Variants in TMC2 observed in about 807,000 individuals in gnomAD.
TMC2 encodes transmembrane channel-like protein 2.
Under a neutral mutation model 105.9 loss-of-function variants are expected in TMC2, and 102 were observed. The observed-to-expected ratio is 0.96, with a 90% CI of 0.82 to 1.14. TMC2 has a LOEUF of 1.14. Ranked by LOEUF, TMC2 falls within the 50% of genes most tolerant of loss-of-function variation. The pLI, the probability that TMC2 is intolerant of heterozygous loss-of-function variation, is 0.00. For synonymous variants in TMC2, 402 were observed against 422.8 expected (o/e 0.95, Z 0.60); for missense variants, 1,093 against 1,134.3 (o/e 0.96, Z 0.52).
Position 2,562,066 on chromosome 20 carries a change from G to A in TMC2, c.554+56G>A, listed in dbSNP as rs1008319962. ...CCGATGTCCACAGCTCCTTCTGATG[G>A]GAATGGGAGCCCTCCCTCCACATTT... On this transcript the variant is annotated intron_variant, in intron 4 of 19. Coordinates refer to ENST00000358864, the MANE Select transcript of TMC2 (RefSeq NM_080751.3). The A allele has an allele frequency of 2.5e-5, 39 of 1,561,448 alleles. No homozygotes were observed. The East Asian group carries it at 8.8e-4, about 35-fold the overall frequency.
rs1304998646 is a variant in TMC2, at chr20:2,592,854, C to T, written c.933+446C>T. ...TTTCCCAGCTCCTTTATTGGAATCA[C>T]CATTCATCCAATCATCCATGTCTGA... On this transcript the variant is annotated intron_variant, in intron 8 of 19. Transcript: ENST00000358864. This position sits in a 1 kb window ranked among gnomAD's most constrained non-coding sequence, Gnocchi z 4.9. Among the ~76,000 whole-genome samples the T allele has an allele frequency of 6.6e-6, 1 of 152,160 alleles. No homozygotes were observed. Among genetic ancestry groups the T allele is most frequent in the Non-Finnish European group, 1.5e-5 (1 of 68,026 alleles).
At chr20:2,611,389 C>G (rs2086437238) in intron 12 of TMC2, among the ~76,000 whole-genome samples, 2 of 152,208 alleles carry the variant, frequency 1.3e-5, no homozygotes, top group South Asian at 4.1e-4. Context: ...CTCTCCTCCC[C>G]ACTCATCTCT....
chr20:2,572,666 C>T (rs1207079984), intron 5 of TMC2, among the ~76,000 whole-genome samples: 2 of 152,078 alleles, frequency 1.3e-5, no homozygotes, highest in African/African-American at 4.8e-5. Context: ...ATGGGGGCAG[C>T]TCTGTTTTGT....
chr20:2,640,437 T>A (rs2086680296), intron 19 of TMC2, among the ~76,000 whole-genome samples: 1 of 152,162 alleles, frequency 6.6e-6, no homozygotes, highest in Admixed American at 6.5e-5. Context: ...TCAGACACCA[T>A]AAAAGTTCAT....
intron 7 of TMC2, among the ~76,000 whole-genome samples, chr20:2,588,820 T>C (rs1471120226): frequency 1.3e-5 from 2 of 152,176 alleles, no homozygotes; most frequent in South Asian, 4.1e-4. Flanking sequence ...TCTGGACTTT[T>C]TTAACCCTGT....
chr20:2,554,407 T>G (rs1246345648), intron 2 of TMC2, among the ~76,000 whole-genome samples: 1 of 152,230 alleles, frequency 6.6e-6, no homozygotes. Context: ...TATGATTTCA[T>G]GCTTCTCTCC....
intron 2 of TMC2, among the ~76,000 whole-genome samples, chr20:2,552,077 A>T (rs1417784461): frequency 6.6e-6 from 1 of 152,010 alleles, no homozygotes; most frequent in Non-Finnish European, 1.5e-5. Context: ...CAGGCAATAC[A>T]GAGACTCTAC....
In TMC2 at chr20:2,597,132, A is replaced by T; in HGVS notation, c.1077-19A>T. 1 of 1,612,736 alleles carries T rather than the reference A, an allele frequency of 6.2e-7. No individual in the cohort carries two copies. Among genetic ancestry groups the T allele is most frequent in the Non-Finnish European group, 8.5e-7 (1 of 1,179,070 alleles). On this transcript the variant is annotated intron_variant, in intron 9 of 19. Transcript: ENST00000358864. The stretch of plus-strand genomic sequence containing the variant: ...GCAGAAAGAGGGCAGACGTCACAAC[A>T]GTGCTGTGTGCCCTACAGGATGGCC...
At chr20:2,572,317 T>A (rs2086110219) in intron 5 of TMC2, 48 bp downstream of exon 5, 1 of 1,493,974 alleles carries the variant, frequency 6.7e-7, no homozygotes, top group Admixed American at 1.7e-5. Context: ...TTGCTCAGCT[T>A]TGGAATCTGG....
chr20:2,542,733 A>G (rs2085897963), intron 2 of TMC2, among the ~76,000 whole-genome samples: 2 of 144,098 alleles, frequency 1.4e-5, no homozygotes, highest in Non-Finnish European at 1.5e-5. Context: ...TCGCTCTGTC[A>G]CCCAGGCTGG....
At chr20:2,597,101 G>T in intron 9 of TMC2, 50 bp from the exon 10 acceptor site, 2 of 1,583,154 alleles carry the variant, frequency 1.3e-6, no homozygotes, top group South Asian at 2.3e-5. Context: ...CCCTGGGGGT[G>T]ACACAGCAGA....
At chr20:2,597,465 G>A (rs1476155574) in intron 10 of TMC2, among the ~76,000 whole-genome samples, 167 bp downstream of exon 10, 8 of 152,022 alleles carry the variant, frequency 5.3e-5, no homozygotes, top group African/African-American at 4.8e-5. Flanking sequence ...AAGAATGTTC[G>A]TGGCTGGTGC....
chr20:2,544,181 G>A (rs1353520567), intron 2 of TMC2, among the ~76,000 whole-genome samples: 10 of 151,340 alleles, frequency 6.6e-5, no homozygotes, highest in African/African-American at 2.4e-4. Flanking sequence ...TTCCCAAAGT[G>A]CTGGGATTAC....
intron 5 of TMC2, among the ~76,000 whole-genome samples, chr20:2,573,940 T>C (rs998378726): frequency 7.2e-5 from 11 of 152,216 alleles, no homozygotes; most frequent in African/African-American, 2.7e-4. Flanking sequence ...ATGTGACATC[T>C]CATTCCAATT....
intron 16 of TMC2, among the ~76,000 whole-genome samples, chr20:2,622,960 TGGGGAAA>T (rs2086536367): frequency 6.6e-6 from 1 of 151,972 alleles, no homozygotes; most frequent in Non-Finnish European, 1.5e-5. Context: ...ATTATACAGA[TGGGGAAA>T]CTGGGGCAGA....
intron 4 of TMC2, among the ~76,000 whole-genome samples, chr20:2,563,950 A>G (rs960785534): frequency 2.0e-5 from 3 of 151,602 alleles, no homozygotes; most frequent in Non-Finnish European, 4.4e-5. Context: ...CTGATCTCGA[A>G]CTCCTGGACT....
chr20:2,637,881 C>T (rs571427804), intron 19 of TMC2, among the ~76,000 whole-genome samples: 1 of 152,284 alleles, frequency 6.6e-6, no homozygotes. Context: ...CCCTTAATAA[C>T]ATTTGGATCA....
In TMC2 at chr20:2,594,882, G is replaced by A. The variant is rs753141899; in HGVS notation, c.991G>A (p.Gly331Arg). Residue 331 changes from glycine to arginine, a missense_variant, in exon 9 of 20, where the codon GGG (glycine) becomes AGG (arginine). Physicochemically the swap from Gly to Arg is moderately radical, Grantham distance 125. Coordinates refer to ENST00000358864, the MANE Select transcript of TMC2 (RefSeq NM_080751.3). ...CTACTACAACAACCAGAGGACCATCGGGTGGCTGAGGTACCGGCTGCCTAT... is the reference window on the plus strand; with the variant it reads ...CTACTACAACAACCAGAGGACCATCAGGTGGCTGAGGTACCGGCTGCCTAT... Reference protein sequence around the residue: ...YGYYNNQRTIGWLRYRLPMAY... With the variant: ...YGYYNNQRTIRWLRYRLPMAY... The A allele has an allele frequency of 3.5e-5, 56 of 1,613,950 alleles. No individual in the cohort carries two copies. The highest frequency in any genetic ancestry group is 6.7e-5 in the Admixed American group (4 of 59,998).
Position 2,642,197 on chromosome 20 carries a change from C to A in TMC2, c.*846C>A, listed in dbSNP as rs1247209182. 1.3e-5 allele frequency among the ~76,000 whole-genome samples: 2 copies of A among 152,112 alleles called. No individual in the cohort carries two copies. The highest frequency in any genetic ancestry group is 4.8e-5 in the African/African-American group (2 of 41,400). ...ATGAGCCTGAGCAACAGAGCAAGAC[C>A]CTTGTCTCTACAAATAGATAAATGA... On this transcript the variant is annotated 3_prime_UTR_variant, in exon 20 of 20. Coordinates refer to ENST00000358864, the MANE Select transcript of TMC2 (RefSeq NM_080751.3).
Sources: gnomAD v4.1 joint callset for allele counts (sites outside exome capture counted in the v4.1 genomes callset) on GRCh38, gnomAD v4.1.1 for gene constraint, Gnocchi (gnomAD v3.1) non-coding constraint, MANE v1.5 for transcripts, NCBI Gene and HGNC (gene_info 2026-07-23, HGNC 2026-07-21) for gene names.